ACAD11: variants seen among roughly 807,000 people sequenced by gnomAD.
The protein encoded by ACAD11 is acyl-CoA dehydrogenase family member 11.
ACAD11 carries 83 observed loss-of-function variants against 102.2 expected under a neutral mutation model. That is an observed-to-expected ratio of 0.81 (90% confidence interval 0.68 to 0.97). The LOEUF is 0.97. ACAD11 is among the 50% of genes least tolerant of loss of function. ACAD11 has a pLI of 0.00. For synonymous variants in ACAD11, 324 were observed against 319.8 expected, an observed-to-expected ratio of 1.01 and a Z score of -0.14; for missense variants, 901 against 951.7, an observed-to-expected ratio of 0.95 and a Z score of 0.70.
intron 1 of ACAD11, chr3:132,645,799 C>T (rs903988781): frequency 2.6e-5 from 4 of 152,180 alleles, no homozygotes; most frequent in African/African-American, 9.7e-5. Context: ...GACCCATCCT[C>T]CCTGGCAATC....
At chr3:132,657,574 T>C (rs781419204) in intron 1 of ACAD11, among the ~76,000 whole-genome samples, 2 of 152,244 alleles carry the variant, frequency 1.3e-5, no homozygotes, top group Non-Finnish European at 2.9e-5. Flanking sequence ...TCTCTCAATT[T>C]TTAAAATTCT....
At position 132,626,727 on chromosome 3, in the gene ACAD11, C is replaced by G; in HGVS notation, c.1161G>C (p.Lys387Asn). ...GAAGAATGTGTTGTTTCATGAAATG[C>G]TTCACCTTAATAAGAACTTCCTGAC... is the stretch of plus-strand genomic sequence containing the variant. ...RKGQEVLIKV[K>N]HFMKQHILPA... The change falls in exon 9 of 20, where the codon AAG becomes AAC. Residue 387 changes from lysine (K) to asparagine (N), a missense_variant. Lys to Asn is a moderately conservative substitution (Grantham distance 94). Transcript: ENST00000264990. 6.2e-7 allele frequency: 1 copy of G among 1,613,738 alleles called. No individual in the cohort carries two copies. The highest frequency in any genetic ancestry group is 8.5e-7 in the Non-Finnish European group (1 of 1,179,934).
chr3:132,599,187 CAATAAATA>C (rs1171521448), intron 13 of ACAD11, among the ~76,000 whole-genome samples: 5 of 151,460 alleles, frequency 3.3e-5, no homozygotes, highest in African/African-American at 1.2e-4. Flanking sequence ...ATAACCTGGT[CAATAAATA>C]AATAAATAAA....
At chr3:132,572,608 A>C (rs973075458) in intron 17 of ACAD11, among the ~76,000 whole-genome samples, 7 of 152,226 alleles carry the variant, frequency 4.6e-5, no homozygotes, top group Non-Finnish European at 1.0e-4. Context: ...CAAAAAGAAC[A>C]AAGCTGGAGG....
intron 11 of ACAD11, among the ~76,000 whole-genome samples, chr3:132,614,610 C>T (rs940376116): frequency 1.2e-4 from 18 of 152,180 alleles, no homozygotes; most frequent in African/African-American, 3.9e-4. Context: ...GTTGGGAAAA[C>T]TGGCTAGCCA....
At chr3:132,656,620 A>G (rs1937819860) in intron 1 of ACAD11, among the ~76,000 whole-genome samples, 1 of 151,764 alleles carries the variant, frequency 6.6e-6, no homozygotes, top group Admixed American at 6.6e-5. Flanking sequence ...CAGCCTCCCG[A>G]GTAGCTGGGA....
intron 13 of ACAD11, chr3:132,600,600 A>G (rs757683408): frequency 2.2e-5 from 36 of 1,613,782 alleles, no homozygotes; most frequent in East Asian, 2.2e-5. Flanking sequence ...ATTTATGCCT[A>G]TTACAAGAAA....
intron 1 of ACAD11, chr3:132,650,172 C>T (rs977513034): frequency 3.3e-5 from 5 of 152,182 alleles, no homozygotes; most frequent in Admixed American, 3.3e-4. Context: ...AAGATGAAGT[C>T]AAACACAAGA....
chr3:132,593,136 G>C (rs1938151204), intron 13 of ACAD11, among the ~76,000 whole-genome samples: 1 of 151,506 alleles, frequency 6.6e-6, no homozygotes, highest in Admixed American at 6.6e-5. Context: ...AATGATAAAT[G>C]AAATCAAAAT....
intron 13 of ACAD11, among the ~76,000 whole-genome samples, chr3:132,602,447 C>G (rs1576580112): frequency 6.6e-6 from 1 of 152,112 alleles, no homozygotes; most frequent in South Asian, 2.1e-4. Context: ...CTAAAAAATA[C>G]ATTATCCCAT....
At chr3:132,636,374 T>A (rs1348043516) in intron 5 of ACAD11, among the ~76,000 whole-genome samples, 1 of 152,210 alleles carries the variant, frequency 6.6e-6, no homozygotes, top group African/African-American at 2.4e-5. Context: ...ATCTTCTTTA[T>A]AAAGAGATTC....
chr3:132,571,038 G>A (rs947108452), intron 17 of ACAD11, among the ~76,000 whole-genome samples: 2 of 152,106 alleles, frequency 1.3e-5, no homozygotes, highest in Non-Finnish European at 2.9e-5. Flanking sequence ...TAATGGAATT[G>A]CTGGGTCAAA....
In ACAD11 at chr3:132,605,268, T is replaced by G. The variant is rs1416072761; in HGVS notation, c.1415-63A>C. 2.5e-6 allele frequency: 3 copies of G among 1,198,308 alleles called. No homozygotes were observed. The East Asian group carries it at 7.1e-5, about 29-fold the overall frequency. 74.2% of individuals were successfully genotyped at this position (1,198,308 alleles called of 1,614,324 possible). A position where few individuals can be genotyped will look rare whatever the true frequency, so the allele number is the denominator to read the frequency against. On this transcript the variant is annotated intron_variant, in intron 11 of 19. Coordinates refer to ENST00000264990, the MANE Select transcript of ACAD11 (RefSeq NM_032169.5). ...AATTTATCAGTATGAAATCCACAACTTTATGTAGAGAGTATAGAAATGCAT... is the reference window on the plus strand; with the variant it reads ...AATTTATCAGTATGAAATCCACAACGTTATGTAGAGAGTATAGAAATGCAT...
At chr3:132,620,075 A>G (rs926751709) in intron 9 of ACAD11, among the ~76,000 whole-genome samples, 1 of 152,232 alleles carries the variant, frequency 6.6e-6, no homozygotes, top group Non-Finnish European at 1.5e-5. Flanking sequence ...AAACATGGCA[A>G]GAGGGAGGAT....
Position 132,642,737 on chromosome 3 carries a change from T to C in ACAD11, c.315A>G (p.Ile105Met). 2 of 1,613,564 alleles carry C rather than the reference T, an allele frequency of 1.2e-6. No individual in the cohort carries two copies. The highest frequency in any genetic ancestry group is 1.3e-5 in the African/African-American group (1 of 75,042). Reference sequence around the variant, plus strand: ...TGACAGAAGTATCACTGCAGTACAGTATAGGCTTGGGAACGGGGAATCCAA... The same window carrying C: ...TGACAGAAGTATCACTGCAGTACAGCATAGGCTTGGGAACGGGGAATCCAA... ...FSIGFPVPKP[I>M]LYCSDTSVIG... is the part of the protein sequence containing the mutation. Residue 105 changes from isoleucine to methionine, a missense_variant, in exon 3 of 20, where the codon ATA becomes ATG. Transcript: ENST00000264990.
chr3:132,609,983 C>T (rs990717530), intron 11 of ACAD11, among the ~76,000 whole-genome samples: 27 of 152,112 alleles, frequency 1.8e-4, no homozygotes, highest in African/African-American at 6.5e-4. Flanking sequence ...CATATGCAAA[C>T]CAATCGATGT....
intron 13 of ACAD11, among the ~76,000 whole-genome samples, chr3:132,587,377 C>T (rs959017702): frequency 6.6e-6 from 1 of 151,998 alleles, no homozygotes; most frequent in Admixed American, 6.6e-5. Flanking sequence ...TTCATTCTTT[C>T]CTCTGTTATC....
chr3:132,592,893 T>C (rs1938140699), intron 13 of ACAD11, among the ~76,000 whole-genome samples: 1 of 152,128 alleles, frequency 6.6e-6, no homozygotes, highest in Non-Finnish European at 1.5e-5. Context: ...AACAGGGAAA[T>C]CTTCAAAATT....
chr3:132,592,907 T>C (rs1008427655), intron 13 of ACAD11, among the ~76,000 whole-genome samples: 12 of 152,170 alleles, frequency 7.9e-5, no homozygotes, highest in Non-Finnish European at 1.8e-4. Context: ...CAAAATTCAC[T>C]GAATCCATCT....
Sources: allele counts gnomAD v4.1 joint callset (sites outside exome capture counted in the v4.1 genomes callset), GRCh38; gene constraint gnomAD v4.1.1; transcripts MANE v1.5; gene names NCBI Gene and HGNC (gene_info 2026-07-23, HGNC 2026-07-21).